The following CCDC102B variants were observed in gnomAD, a reference collection of about 807,000 sequenced individuals.
CCDC102B encodes coiled-coil domain containing 102B, also known as coiled-coil domain-containing protein 102B.
Under a neutral mutation model 57.4 loss-of-function variants are expected in CCDC102B, and 75 were observed. That is an observed-to-expected ratio of 1.31 (90% CI 1.08 to 1.58). The LOEUF is 1.58. CCDC102B is among the 40% of genes most tolerant of loss of function. CCDC102B has a pLI of 0.00. For missense variants in CCDC102B, 636 were observed against 582.6 expected (o/e 1.09, Z -0.94); for synonymous variants, 206 against 201.9 (o/e 1.02, Z -0.17).
At chr18:68,803,737 A>G (rs2035935175) in intron 1 of CCDC102B, among the ~76,000 whole-genome samples, 1 of 150,964 alleles carries the variant, frequency 6.6e-6, no homozygotes, top group African/African-American at 2.5e-5. Flanking sequence ...TCAATGGGAA[A>G]AATCACAATT....
At chr18:68,986,819 A>G (rs2050737138) in intron 6 of CCDC102B, among the ~76,000 whole-genome samples, 1 of 152,144 alleles carries the variant, frequency 6.6e-6, no homozygotes. Flanking sequence ...TCCTCTTTAC[A>G]ATAGCCCCAT....
intron 7 of CCDC102B, among the ~76,000 whole-genome samples, chr18:69,047,555 A>T (rs1024997570): frequency 2.6e-5 from 4 of 152,128 alleles, no homozygotes; most frequent in Non-Finnish European, 4.4e-5. Context: ...ATCAGGCAAG[A>T]GAGAAATAAA....
intron 2 of CCDC102B, among the ~76,000 whole-genome samples, chr18:68,772,455 T>G (rs1379854745): frequency 6.6e-6 from 1 of 152,188 alleles, no homozygotes; most frequent in Non-Finnish European, 1.5e-5. Context: ...AGTGAAATTT[T>G]TACTTCTTGA....
chr18:68,824,811 T>C (rs1245736555), intron 1 of CCDC102B, among the ~76,000 whole-genome samples: 3 of 152,190 alleles, frequency 2.0e-5, no homozygotes, highest in Non-Finnish European at 4.4e-5. Context: ...AAATGTGTAA[T>C]AATAACAATG....
At chr18:68,759,869 C>T (rs930372367) in intron 2 of CCDC102B, among the ~76,000 whole-genome samples, 4 of 152,020 alleles carry the variant, frequency 2.6e-5, no homozygotes, top group Admixed American at 2.0e-4. Context: ...GGAACATTCC[C>T]CTCAGCCCTC....
chr18:68,823,583 T>G (rs2036782865), intron 1 of CCDC102B, among the ~76,000 whole-genome samples: 1 of 152,224 alleles, frequency 6.6e-6, no homozygotes, highest in Non-Finnish European at 1.5e-5. Context: ...TGGGATTGAT[T>G]GCTGTGTTGA....
chr18:69,034,483 G>A (rs73453750), intron 7 of CCDC102B, among the ~76,000 whole-genome samples: 11,831 of 151,886 alleles, frequency 0.078, 1,542 homozygotes, highest in African/African-American at 0.27. Flanking sequence ...TAATTGAAAT[G>A]TTTTGGCACT....
intron 2 of CCDC102B, among the ~76,000 whole-genome samples, chr18:68,785,188 T>C (rs946497880): frequency 5.3e-5 from 8 of 151,982 alleles, no homozygotes; most frequent in Non-Finnish European, 1.0e-4. Flanking sequence ...TAGTATTCCA[T>C]GGTGTATATG....
chr18:68,910,815 C>T (rs1297532762), intron 6 of CCDC102B, among the ~76,000 whole-genome samples: 1 of 151,982 alleles, frequency 6.6e-6, no homozygotes, highest in African/African-American at 2.4e-5. Context: ...TACAGTCTTT[C>T]TCAGCCAGGA....
intron 7 of CCDC102B, among the ~76,000 whole-genome samples, chr18:69,021,774 C>T (rs2051840108): frequency 6.6e-6 from 1 of 152,134 alleles, no homozygotes; most frequent in African/African-American, 2.4e-5. Context: ...TCTAGCACTG[C>T]CAGCTCTGTC....
intron 6 of CCDC102B, among the ~76,000 whole-genome samples, chr18:68,911,995 T>C (rs2040893188): frequency 6.6e-6 from 1 of 152,122 alleles, no homozygotes; most frequent in Non-Finnish European, 1.5e-5. Flanking sequence ...AAGCTGTTAC[T>C]GAACTCAAGA....
chr18:68,720,703 A>G (rs989896387), intron 2 of CCDC102B, among the ~76,000 whole-genome samples: 14 of 151,422 alleles, frequency 9.2e-5, no homozygotes, highest in African/African-American at 3.2e-4. Context: ...GCATTGCTAC[A>G]TGAAGCCCGG....
chr18:69,048,224 T>TG (rs2052614995), intron 7 of CCDC102B, among the ~76,000 whole-genome samples: 1 of 150,718 alleles, frequency 6.6e-6, no homozygotes, highest in African/African-American at 2.4e-5. Flanking sequence ...GTGTGTGTGT[T>TG]TTTTTTTTCC....
chr18:68,719,617 A>G (rs2032217290), intron 2 of CCDC102B, among the ~76,000 whole-genome samples: 1 of 152,060 alleles, frequency 6.6e-6, no homozygotes, highest in Non-Finnish European at 1.5e-5. Flanking sequence ...ACCCCCAACA[A>G]ATTGGGGAGG....
intron 6 of CCDC102B, among the ~76,000 whole-genome samples, chr18:69,003,530 C>A (rs2051260882): frequency 6.6e-6 from 1 of 152,120 alleles, no homozygotes; most frequent in Admixed American, 6.5e-5. Flanking sequence ...GATGACAGAG[C>A]AGAAAGGGGA....
intron 2 of CCDC102B, among the ~76,000 whole-genome samples, chr18:68,720,756 C>T (rs1166451545): frequency 1.3e-5 from 2 of 152,014 alleles, no homozygotes; most frequent in African/African-American, 2.4e-5. Context: ...GTACAGTTGA[C>T]GTTGGAAATG....
chr18:68,992,481 G>T (rs114410056), intron 6 of CCDC102B, among the ~76,000 whole-genome samples: 7 of 152,190 alleles, frequency 4.6e-5, no homozygotes, highest in African/African-American at 1.7e-4. Flanking sequence ...CGAATCGCCC[G>T]GAAGATTTTC....
chr18:68,765,044 C>CA (rs2034378037), intron 2 of CCDC102B, among the ~76,000 whole-genome samples: 9 of 16,990 alleles, frequency 5.3e-4, no homozygotes, highest in East Asian at 0.011. Flanking sequence ...GAAACCCTCT[C>CA]TTAAATAAAT....
chr18:68,809,576 C>T (rs929726423), intron 1 of CCDC102B, among the ~76,000 whole-genome samples: 2 of 146,374 alleles, frequency 1.4e-5, no homozygotes, highest in Non-Finnish European at 3.0e-5. Context: ...GAAAACTTTC[C>T]ATTTAATAGC....
Sources: gnomAD v4.1 joint callset for allele counts (sites outside exome capture counted in the v4.1 genomes callset) on GRCh38, gnomAD v4.1.1 for gene constraint, MANE v1.5 for transcripts, NCBI Gene and HGNC (gene_info 2026-07-23, HGNC 2026-07-21) for gene names.